VWA8: variants seen among roughly 807,000 people sequenced by gnomAD.
The protein encoded by VWA8 is von Willebrand factor A domain containing 8.
VWA8 carries 221 observed loss-of-function variants against 241.5 expected under a neutral mutation model. The ratio of observed to expected loss-of-function variants is 0.91; its 90% CI spans 0.82 to 1.02. The LOEUF is 1.02. VWA8 is among the 50% of genes least tolerant of loss of function. The pLI is 0.00. For missense variants in VWA8, 2,322 were observed against 2,328.7 expected (o/e 1.00, Z 0.06); for synonymous variants, 852 against 827.1 (o/e 1.03, Z -0.52).
chr13:41,832,229 G>A (rs532911162), intron 13 of VWA8, among the ~76,000 whole-genome samples: 7 of 152,194 alleles, frequency 4.6e-5, no homozygotes, highest in Non-Finnish European at 1.0e-4. Context: ...ACACCTGGCC[G>A]GCATCAGTAT....
chr13:41,885,271 T>C (rs1200382046), intron 8 of VWA8, among the ~76,000 whole-genome samples: 2 of 152,266 alleles, frequency 1.3e-5, no homozygotes, highest in African/African-American at 2.4e-5. Context: ...CTTTTGTGAT[T>C]AAACACATTT....
chr13:41,914,017 G>C (rs1412836801), intron 2 of VWA8, among the ~76,000 whole-genome samples: 2 of 152,202 alleles, frequency 1.3e-5, no homozygotes, highest in Non-Finnish European at 2.9e-5. Context: ...CGAGGCAGGT[G>C]GATCACCTGA....
At chr13:41,771,801 C>T (rs2045824989) in intron 20 of VWA8, among the ~76,000 whole-genome samples, 1 of 150,362 alleles carries the variant, frequency 6.7e-6, no homozygotes, top group Admixed American at 6.6e-5. Flanking sequence ...GTGCTGGTCT[C>T]AAACTCTTGG....
rs778948121 is a variant in VWA8, at chr13:41,729,604, A to G, written c.2576T>C (p.Ile859Thr). The G allele has an allele frequency of 3.7e-6, 6 of 1,613,330 alleles. No individual in the cohort carries two copies. The East Asian group carries it at 1.3e-4, about 36-fold the overall frequency. ...TCCATTTTCTACTAGAGTTTTTAAA[A>G]TACACGTGACATTTGTTGGAGCTTT... ...ADKAPTNVTCILKTLVENGEM... is the reference protein window; with the variant it reads ...ADKAPTNVTCTLKTLVENGEM... The change falls in exon 23 of 45, where the codon ATT (isoleucine) becomes ACT (threonine). Residue 859 changes from isoleucine (I) to threonine (T), a missense_variant. Ile to Thr is a moderately conservative substitution (Grantham distance 89, BLOSUM62 -1). Transcript: ENST00000379310.
intron 12 of VWA8, among the ~76,000 whole-genome samples, chr13:41,859,149 A>G (rs776084645): frequency 1.2e-4 from 19 of 152,058 alleles, no homozygotes; most frequent in Non-Finnish European, 2.6e-4. Flanking sequence ...TGCATAAAGA[A>G]CACTTAAATG....
chr13:41,871,349 C>A (rs891359604), intron 9 of VWA8, among the ~76,000 whole-genome samples: 8 of 152,008 alleles, frequency 5.3e-5, no homozygotes, highest in Non-Finnish European at 1.2e-4. Context: ...TACATGTGCA[C>A]AATGTGCAGG....
rs561096866 is a variant in VWA8, at chr13:41,938,462, C to A, written c.241+11474G>T. 4.6e-5 allele frequency among the ~76,000 whole-genome samples: 7 copies of A among 152,114 alleles called. No homozygotes were observed. The South Asian group carries it at 8.3e-4, about 18-fold the overall frequency. ...GGTCAGGAGTTTGAGACCAGCCTGGCCAACATGGTAAAACCCCGTCTCTAC... is the reference window on the plus strand; with the variant it reads ...GGTCAGGAGTTTGAGACCAGCCTGGACAACATGGTAAAACCCCGTCTCTAC... On this transcript the variant is annotated intron_variant, in intron 2 of 44. Coordinates refer to ENST00000379310, the MANE Select transcript of VWA8 (RefSeq NM_015058.2).
At chr13:41,865,208 T>C (rs1873231425) in intron 12 of VWA8, 1 of 256,594 alleles carries the variant, frequency 3.9e-6, no homozygotes, top group Non-Finnish European at 7.8e-6. Flanking sequence ...TATATGTACA[T>C]ATTTTCACAG....
intron 9 of VWA8, among the ~76,000 whole-genome samples, chr13:41,880,485 C>T (rs1267389348): frequency 6.6e-6 from 1 of 152,138 alleles, no homozygotes; most frequent in Non-Finnish European, 1.5e-5. Flanking sequence ...ATCCACAGAC[C>T]CTACTCAAGT....
At chr13:41,651,894 G>A (rs190163879) in intron 37 of VWA8, among the ~76,000 whole-genome samples, 2 of 152,220 alleles carry the variant, frequency 1.3e-5, no homozygotes, top group Non-Finnish European at 2.9e-5. Flanking sequence ...CCACCCTGGT[G>A]TGAGAAAAGA....
chr13:41,570,670 C>A lies in VWA8; in HGVS notation c.5407G>T (p.Asp1803Tyr). 6.2e-7 allele frequency: 1 copy of A among 1,614,210 alleles called. No individual in the cohort carries two copies. Among genetic ancestry groups the A allele is most frequent in the Non-Finnish European group, 8.5e-7 (1 of 1,180,048 alleles). ...HAHSQFCMSG[D>Y]HTLEGTEHAI... ...TGTTCTGTCCCTTCTAACGTGTGGT[C>A]CCCACTCATGCAGAACTGAGAGTGG... Residue 1803 changes from aspartate to tyrosine, a missense_variant, in exon 44 of 45, where the codon GAC becomes TAC. Asp to Tyr is a radical substitution (Grantham distance 160). Transcript: ENST00000379310.
At chr13:41,683,728 T>TG (rs1252775809) in intron 35 of VWA8, among the ~76,000 whole-genome samples, 2 of 152,044 alleles carry the variant, frequency 1.3e-5, no homozygotes, top group Non-Finnish European at 2.9e-5. Flanking sequence ...TGTACGATGG[T>TG]GGTGCTTTGG....
At position 41,611,713 on chromosome 13, in the gene VWA8, G is replaced by C. The variant is rs771182755; in HGVS notation, c.4740C>G (p.Gly1580=). ...AGGTGGRDTA[G]LGGKGGPYRL... ...GGTAAGGGCCTCCTTTGCCACCCAG[G>C]CCTGCCGTGTCTCTTCCCCCTGGAA... The change falls in exon 39 of 45, where the codon GGC becomes GGG. Residue 1580 remains glycine, a synonymous_variant. Coordinates refer to ENST00000379310, the MANE Select transcript of VWA8 (RefSeq NM_015058.2). The C allele has an allele frequency of 6.2e-7, 1 of 1,613,890 alleles. No homozygotes were observed. Among genetic ancestry groups the C allele is most frequent in the East Asian group, 2.2e-5 (1 of 44,880 alleles).
intron 26 of VWA8, among the ~76,000 whole-genome samples, chr13:41,710,385 C>T (rs2045308713): frequency 6.6e-6 from 1 of 152,158 alleles, no homozygotes; most frequent in African/African-American, 2.4e-5. Context: ...AGAGAAGATT[C>T]ATAGATCTTG....
At chr13:41,848,048 A>C (rs1178424872) in intron 12 of VWA8, among the ~76,000 whole-genome samples, 3 of 152,196 alleles carry the variant, frequency 2.0e-5, no homozygotes, top group African/African-American at 7.2e-5. Context: ...ATCCTGCAAA[A>C]AACAAATGAT....
intron 2 of VWA8, among the ~76,000 whole-genome samples, chr13:41,919,719 C>T (rs1266283744): frequency 6.6e-6 from 1 of 152,070 alleles, no homozygotes; most frequent in Non-Finnish European, 1.5e-5. Context: ...TCAAACTACC[C>T]CCAGACACCA....
chr13:41,873,774 A>G (rs1018837520), intron 9 of VWA8, among the ~76,000 whole-genome samples: 23 of 152,226 alleles, frequency 1.5e-4, no homozygotes, highest in Admixed American at 1.4e-3. Flanking sequence ...AACTGGTATC[A>G]TTCCTTCTGA....
intron 9 of VWA8, among the ~76,000 whole-genome samples, chr13:41,872,489 T>TA (rs550574570): frequency 0.03 from 4,629 of 152,232 alleles, 103 homozygotes; most frequent in Non-Finnish European, 0.048. Context: ...TTGTATAAGG[T>TA]GTAAGGAAGG....
intron 37 of VWA8, among the ~76,000 whole-genome samples, chr13:41,619,729 A>C (rs2044644595): frequency 6.6e-6 from 1 of 151,972 alleles, no homozygotes; most frequent in Admixed American, 6.6e-5. Flanking sequence ...TGAGATAATC[A>C]TGTGATTTTT....
Sources: gnomAD v4.1 joint callset for allele counts (sites outside exome capture counted in the v4.1 genomes callset) on GRCh38, gnomAD v4.1.1 for gene constraint, MANE v1.5 for transcripts, NCBI Gene and HGNC (gene_info 2026-07-23, HGNC 2026-07-21) for gene names.